CHCHD6: variants seen among roughly 807,000 people sequenced by gnomAD.
CHCHD6 encodes MICOS complex subunit MIC25.
A neutral mutation model predicts 32.3 loss-of-function variants in CHCHD6; 28 were observed. The observed-to-expected ratio is 0.87, with a 90% CI of 0.64 to 1.19. The LOEUF (loss-of-function observed/expected upper bound fraction) is 1.19, where lower values mean the gene tolerates loss of function less well. Ranked by LOEUF, CHCHD6 falls within the 50% of genes most tolerant of loss-of-function variation. The pLI is 0.00. For synonymous variants in CHCHD6, 122 were observed against 117.5 expected (o/e 1.04, Z -0.25); for missense variants, 333 against 307.0 (o/e 1.08, Z -0.63).
intron 4 of CHCHD6, among the ~76,000 whole-genome samples, chr3:126,737,978 T>C (rs1936122731): frequency 6.6e-6 from 1 of 152,134 alleles, no homozygotes; most frequent in African/African-American, 2.4e-5. Flanking sequence ...AATACTTCAG[T>C]GGCAAATCAA....
At chr3:126,955,824 T>C (rs2078775998) in intron 6 of CHCHD6, among the ~76,000 whole-genome samples, 1 of 152,100 alleles carries the variant, frequency 6.6e-6, no homozygotes, top group Non-Finnish European at 1.5e-5. Context: ...TCCCGCGTAG[T>C]CAGATGAGAC....
chr3:126,793,987 T>C (rs931044863), intron 4 of CHCHD6, among the ~76,000 whole-genome samples: 4 of 152,184 alleles, frequency 2.6e-5, no homozygotes, highest in Non-Finnish European at 4.4e-5. Context: ...CCATAGGTAA[T>C]GTGTCATTCA....
intron 6 of CHCHD6, among the ~76,000 whole-genome samples, chr3:126,940,551 T>C (rs1269313633): frequency 1.3e-5 from 2 of 152,174 alleles, no homozygotes; most frequent in African/African-American, 2.4e-5. Flanking sequence ...TAAATTCTTC[T>C]AGAGGGAGTT....
At chr3:126,780,994 T>G (rs1453716452) in intron 4 of CHCHD6, among the ~76,000 whole-genome samples, 2 of 152,198 alleles carry the variant, frequency 1.3e-5, no homozygotes, top group Non-Finnish European at 2.9e-5. Context: ...CCAGCCACTT[T>G]TGCACATGTC....
At chr3:126,800,997 G>A (rs116663545) in intron 4 of CHCHD6, among the ~76,000 whole-genome samples, 28 of 152,334 alleles carry the variant, frequency 1.8e-4, no homozygotes, top group African/African-American at 6.3e-4. Flanking sequence ...ACTATAACGA[G>A]ATGACTCTGT....
At chr3:126,944,372 AT>A (rs1352468067) in intron 6 of CHCHD6, among the ~76,000 whole-genome samples, 4 of 152,150 alleles carry the variant, frequency 2.6e-5, no homozygotes, top group African/African-American at 9.7e-5. Context: ...CAATGACTTA[AT>A]TATTGATGCT....
At chr3:126,893,763 T>A (rs921318579) in intron 5 of CHCHD6, among the ~76,000 whole-genome samples, 10 of 152,184 alleles carry the variant, frequency 6.6e-5, no homozygotes, top group African/African-American at 2.2e-4. Flanking sequence ...GCAGATGCAT[T>A]GACTATCCTG....
In CHCHD6 at chr3:126,846,315, CTGCCTG is replaced by C. The variant is rs1311274171; in HGVS notation, c.412-6331_412-6326del. ...CAGAGGCAATTGTTGAATATTATAG[CTGCCTG>C]GGGAGGTAGATAACAATTTGGGCAA... On this transcript the variant is annotated intron_variant, in intron 4 of 7. Transcript: ENST00000290913. 2.6e-5 allele frequency among the ~76,000 whole-genome samples: 4 copies of C among 152,254 alleles called. No homozygotes were observed. In the East Asian group the frequency reaches 7.7e-4, roughly 29 times the overall value.
intron 4 of CHCHD6, among the ~76,000 whole-genome samples, chr3:126,825,848 C>T (rs1200392378): frequency 6.6e-6 from 1 of 152,180 alleles, no homozygotes; most frequent in Non-Finnish European, 1.5e-5. Flanking sequence ...GGTCTAACAA[C>T]CTGTGGGTTA....
At chr3:126,803,693 C>T (rs559817214) in intron 4 of CHCHD6, among the ~76,000 whole-genome samples, 7 of 152,200 alleles carry the variant, frequency 4.6e-5, no homozygotes, top group Non-Finnish European at 1.0e-4. Flanking sequence ...AGGAATTGAA[C>T]TTGGCTCTGC....
chr3:126,849,362 A>G (rs542794741), intron 4 of CHCHD6, among the ~76,000 whole-genome samples: 1 of 152,072 alleles, frequency 6.6e-6, no homozygotes, highest in Non-Finnish European at 1.5e-5. Flanking sequence ...GGTATTGGAC[A>G]CTTTAATCTT....
chr3:126,793,779 G>A (rs1938664036), intron 4 of CHCHD6, among the ~76,000 whole-genome samples: 1 of 152,088 alleles, frequency 6.6e-6, no homozygotes, highest in Non-Finnish European at 1.5e-5. Flanking sequence ...AACAATTGGA[G>A]CAGGTCTCCT....
At chr3:126,828,361 T>C (rs890433842) in intron 4 of CHCHD6, among the ~76,000 whole-genome samples, 6 of 152,362 alleles carry the variant, frequency 3.9e-5, no homozygotes, top group Admixed American at 3.9e-4. Flanking sequence ...CCCTGTTTTT[T>C]GTCCTGACTG....
intron 5 of CHCHD6, among the ~76,000 whole-genome samples, chr3:126,867,908 A>T (rs1323748286): frequency 6.6e-6 from 1 of 152,216 alleles, no homozygotes; most frequent in Non-Finnish European, 1.5e-5. Flanking sequence ...CTCTATCTAG[A>T]GTTCATCAGT....
At chr3:126,883,053 T>A (rs1485042916) in intron 5 of CHCHD6, among the ~76,000 whole-genome samples, 1 of 152,190 alleles carries the variant, frequency 6.6e-6, no homozygotes, top group East Asian at 1.9e-4. Flanking sequence ...CTTGCCTACA[T>A]AATGAAGCCT....
intron 1 of CHCHD6, among the ~76,000 whole-genome samples, chr3:126,707,257 G>A (rs1314882849): frequency 6.0e-5 from 8 of 133,398 alleles, no homozygotes; most frequent in Admixed American, 8.0e-5. Context: ...CAGAGACTCC[G>A]TCTTAAAAAA....
intron 7 of CHCHD6, among the ~76,000 whole-genome samples, chr3:126,959,333 C>T (rs2078829143): frequency 6.6e-6 from 1 of 152,238 alleles, no homozygotes; most frequent in South Asian, 2.1e-4. Context: ...CCACGTGCTG[C>T]CTTGGCAGTG....
chr3:126,950,939 T>C (rs543869244), intron 6 of CHCHD6, among the ~76,000 whole-genome samples: 27 of 152,222 alleles, frequency 1.8e-4, no homozygotes, highest in Non-Finnish European at 3.5e-4. Context: ...ATTCTTGTTA[T>C]GGATTGAAGG....
intron 5 of CHCHD6, among the ~76,000 whole-genome samples, chr3:126,873,117 A>G (rs1161179622): frequency 1.3e-5 from 2 of 152,204 alleles, no homozygotes; most frequent in African/African-American, 4.8e-5. Context: ...TCCCCATCAC[A>G]TCAAACATCC....
Sources: gnomAD v4.1 joint callset for allele counts (sites outside exome capture counted in the v4.1 genomes callset) on GRCh38, gnomAD v4.1.1 for gene constraint, MANE v1.5 for transcripts, NCBI Gene and HGNC (gene_info 2026-07-23, HGNC 2026-07-21) for gene names.